ROBO2: variants seen among roughly 807,000 people sequenced by gnomAD.
ROBO2 encodes roundabout homolog 2.
In ROBO2, 53 loss-of-function variants were observed where a neutral mutation model predicts 160.8. The ratio of observed to expected loss-of-function variants is 0.33; its 90% confidence interval spans 0.26 to 0.41. The LOEUF (loss-of-function observed/expected upper bound fraction) is 0.41, where lower values mean the gene tolerates loss of function less well. Ranked by LOEUF, ROBO2 falls within the 10% of genes least tolerant of loss-of-function variation. The pLI is 1.00. For missense variants in ROBO2, 1,577 were observed against 1,722.4 expected, an observed-to-expected ratio of 0.92 and a Z score of 1.49; for synonymous variants, 664 against 611.7, an observed-to-expected ratio of 1.09 and a Z score of -1.26.
chr3:76,844,095 G>A (rs1209923802), intron 2 of ROBO2, among the ~76,000 whole-genome samples: 1 of 151,860 alleles, frequency 6.6e-6, no homozygotes, highest in African/African-American at 2.4e-5. Flanking sequence ...AGGGACGTTG[G>A]CATCTGTTTT....
intron 2 of ROBO2, among the ~76,000 whole-genome samples, chr3:76,305,997 TC>T (rs2071325451): frequency 6.6e-6 from 1 of 152,128 alleles, no homozygotes; most frequent in Non-Finnish European, 1.5e-5. Context: ...TGTAGCAGAA[TC>T]CCTGGGCTCT....
chr3:77,046,022 A>T (rs1217312209), intron 1 of ROBO2, among the ~76,000 whole-genome samples: 1 of 152,196 alleles, frequency 6.6e-6, no homozygotes, highest in Admixed American at 6.5e-5. Context: ...TGAACATTTA[A>T]GTTATTTCCA....
At chr3:76,500,524 T>G (rs2080401329) in intron 2 of ROBO2, among the ~76,000 whole-genome samples, 1 of 152,216 alleles carries the variant, frequency 6.6e-6, no homozygotes, top group Admixed American at 6.5e-5. Context: ...CAAGTGACCC[T>G]GTAAAACAAA....
intron 2 of ROBO2, among the ~76,000 whole-genome samples, chr3:76,498,314 G>T (rs1484878114): frequency 1.3e-5 from 2 of 152,254 alleles, no homozygotes; most frequent in Non-Finnish European, 2.9e-5. Flanking sequence ...AGGGTGTGGG[G>T]TTGGAGAGGT....
At chr3:75,996,511 T>C (rs1205731400) in intron 2 of ROBO2, among the ~76,000 whole-genome samples, 2 of 152,188 alleles carry the variant, frequency 1.3e-5, no homozygotes, top group East Asian at 1.9e-4. Flanking sequence ...TAGTTCCTTA[T>C]AGCAATGTGA....
At chr3:77,251,404 G>A (rs531863769) in intron 2 of ROBO2, among the ~76,000 whole-genome samples, 1 of 152,250 alleles carries the variant, frequency 6.6e-6, no homozygotes, top group East Asian at 1.9e-4. Flanking sequence ...TTCTAGGGCA[G>A]TGCAGGGCAG....
At chr3:77,318,106 G>A (rs2064255251) in intron 2 of ROBO2, among the ~76,000 whole-genome samples, 1 of 151,752 alleles carries the variant, frequency 6.6e-6, no homozygotes, top group African/African-American at 2.4e-5. Flanking sequence ...GGAGTATAGT[G>A]GCATAGTCTC....
chr3:76,192,040 G>C (rs778122920), intron 2 of ROBO2, among the ~76,000 whole-genome samples: 1 of 152,064 alleles, frequency 6.6e-6, no homozygotes, highest in Non-Finnish European at 1.5e-5. Flanking sequence ...GTTTCCAACA[G>C]TAACCTCACC....
chr3:77,335,380 C>T (rs2066392097), intron 2 of ROBO2, among the ~76,000 whole-genome samples: 1 of 152,250 alleles, frequency 6.6e-6, no homozygotes, highest in Non-Finnish European at 1.5e-5. Context: ...GCACTCCAGC[C>T]TGGGTGACAG....
chr3:77,175,087 A>G (rs1243007141), intron 2 of ROBO2, among the ~76,000 whole-genome samples: 1 of 152,082 alleles, frequency 6.6e-6, no homozygotes, highest in African/African-American at 2.4e-5. Flanking sequence ...CAACCCTGTC[A>G]GGTAAGTTGT....
At chr3:76,613,079 T>G (rs2088268174) in intron 2 of ROBO2, among the ~76,000 whole-genome samples, 1 of 152,160 alleles carries the variant, frequency 6.6e-6, no homozygotes, top group Admixed American at 6.5e-5. Flanking sequence ...TGTCTTTTGA[T>G]TCTAGAATTT....
chr3:76,040,256 A>G (rs1382323097), intron 2 of ROBO2, among the ~76,000 whole-genome samples: 1 of 151,842 alleles, frequency 6.6e-6, no homozygotes, highest in Non-Finnish European at 1.5e-5. Flanking sequence ...AACCTTTATA[A>G]CTTATTTTTT....
chr3:76,142,126 A>G (rs1477030625), intron 2 of ROBO2, among the ~76,000 whole-genome samples: 3 of 152,068 alleles, frequency 2.0e-5, no homozygotes, highest in Non-Finnish European at 2.9e-5. Context: ...AGAATGTCCA[A>G]TCCTATTGAA....
intron 2 of ROBO2, among the ~76,000 whole-genome samples, chr3:77,440,999 A>G (rs1429784297): frequency 2.6e-5 from 4 of 151,928 alleles, no homozygotes; most frequent in Non-Finnish European, 5.9e-5. Context: ...TACAATTCCC[A>G]TATTCTATTC....
intron 2 of ROBO2, among the ~76,000 whole-genome samples, chr3:76,335,384 G>A (rs2073813936): frequency 6.6e-6 from 1 of 151,560 alleles, no homozygotes; most frequent in Non-Finnish European, 1.5e-5. Flanking sequence ...GTTTTACCAT[G>A]TTGGCCAGGC....
chr3:77,503,659 A>T (rs1409572479), intron 5 of ROBO2, among the ~76,000 whole-genome samples: 1 of 152,020 alleles, frequency 6.6e-6, no homozygotes, highest in Admixed American at 6.6e-5. Context: ...ATAATGTTTG[A>T]ATATCAATAG....
At chr3:76,294,334 G>A (rs987463010) in intron 2 of ROBO2, among the ~76,000 whole-genome samples, 1 of 152,132 alleles carries the variant, frequency 6.6e-6, no homozygotes, top group Non-Finnish European at 1.5e-5. Flanking sequence ...CCTATTCTCA[G>A]CTCCGGCTCA....
intron 2 of ROBO2, among the ~76,000 whole-genome samples, chr3:76,722,302 A>G (rs2093478226): frequency 6.6e-6 from 1 of 152,068 alleles, no homozygotes. Context: ...TTGTATTTTT[A>G]GTAGAGACAG....
chr3:77,306,817 C>T (rs1251840282), intron 2 of ROBO2, among the ~76,000 whole-genome samples: 3 of 152,078 alleles, frequency 2.0e-5, no homozygotes, highest in Non-Finnish European at 2.9e-5. Flanking sequence ...GTGAACTGGA[C>T]AATCATTCAC....
Sources: allele counts gnomAD v4.1 joint callset (sites outside exome capture counted in the v4.1 genomes callset), GRCh38; gene constraint gnomAD v4.1.1; transcripts MANE v1.5; gene names NCBI Gene and HGNC (gene_info 2026-07-23, HGNC 2026-07-21).